APOBEC3G: variants seen among roughly 807,000 people sequenced by gnomAD.
APOBEC3G encodes DNA dC->dU-editing enzyme APOBEC-3G.
A neutral mutation model predicts 50.0 loss-of-function variants in APOBEC3G; 44 were observed. The observed-to-expected ratio is 0.88, with a 90% CI of 0.69 to 1.13. The LOEUF (loss-of-function observed/expected upper bound fraction) is 1.13. Among genes scored for constraint, APOBEC3G ranks in the 50% most tolerant of loss-of-function variants. The pLI is 0.00. For synonymous variants in APOBEC3G, 156 were observed against 175.3 expected (o/e 0.89, Z 0.87); for missense variants, 469 against 492.0 (o/e 0.95, Z 0.44).
At chr22:39,080,179 C>T (rs961314687) in intron 2 of APOBEC3G, 4 of 713,292 alleles carry the variant, frequency 5.6e-6, no homozygotes, top group Non-Finnish European at 7.1e-6. Flanking sequence ...AGTGGGCTCC[C>T]CACTGACTGC....
At chr22:39,084,931 C>T (rs1242374573) in intron 5 of APOBEC3G, among the ~76,000 whole-genome samples, 1 of 152,190 alleles carries the variant, frequency 6.6e-6, no homozygotes, top group African/African-American at 2.4e-5. Context: ...AAACGGGGTT[C>T]CTCTGGGCTC....
At position 39,086,290 on chromosome 22, in the gene APOBEC3G, A is replaced by T. The variant is rs765316846; in HGVS notation, c.747A>T (p.Lys249Asn). 1 of 1,582,412 alleles carries T rather than the reference A, an allele frequency of 6.3e-7. No individual in the cohort carries two copies. Among genetic ancestry groups the T allele is most frequent in the South Asian group, 1.1e-5 (1 of 87,468 alleles). The change falls in exon 6 of 8, where the codon AAA (lysine) becomes AAT (asparagine). Residue 249 changes from lysine (K) to asparagine (N), a missense_variant. Physicochemically the swap from Lys to Asn is moderately conservative, Grantham distance 94. Coordinates refer to ENST00000407997, the MANE Select transcript of APOBEC3G (RefSeq NM_021822.4). ...GCTTTCTTTTCTAGGCTCCACATAA[A>T]CACGGTTTCCTTGAAGGCCGCCATG... ...RGFLCNQAPH[K>N]HGFLEGRHAE...
chr22:39,084,404 G>A (rs1300813816), intron 5 of APOBEC3G, among the ~76,000 whole-genome samples: 1 of 152,184 alleles, frequency 6.6e-6, no homozygotes, highest in Admixed American at 6.5e-5. Context: ...GCAGGCGCCT[G>A]TAGTCCCAGC....
intron 5 of APOBEC3G, among the ~76,000 whole-genome samples, chr22:39,085,335 T>G (rs1928645633): frequency 6.6e-6 from 1 of 152,094 alleles, no homozygotes; most frequent in African/African-American, 2.4e-5. Flanking sequence ...ATGTGGAAGC[T>G]TCTAGAATTA....
At chr22:39,081,386 T>A in intron 3 of APOBEC3G, 85 bp from the exon 4 acceptor site, 1 of 1,532,088 alleles carries the variant, frequency 6.5e-7, no homozygotes, top group Non-Finnish European at 8.9e-7. Context: ...AACTAGTATC[T>A]AGAATATGTC....
In APOBEC3G at chr22:39,080,974, C is replaced by A. The variant is rs544919409; in HGVS notation, c.213C>A (p.Phe71Leu). 5 of 1,612,260 alleles carry A rather than the reference C, an allele frequency of 3.1e-6. No individual in the cohort carries two copies. The East Asian group carries it at 1.1e-4, about 36-fold the overall frequency. ...ELKYHPEMRF[F>L]HWFSKWRKLH... is the part of the protein sequence containing the mutation. ...AGTACCACCCAGAGATGAGATTCTT[C>A]CACTGGTTCAGCAAGTGGAGGAAGC... Residue 71 changes from phenylalanine (F) to leucine (L), a missense_variant, in exon 3 of 8, where the codon TTC becomes TTA. Physicochemically the swap from Phe to Leu is conservative, Grantham distance 22 (BLOSUM62 0). Coordinates refer to ENST00000407997, the MANE Select transcript of APOBEC3G (RefSeq NM_021822.4).
Position 39,080,977 on chromosome 22 carries a change from C to T in APOBEC3G, c.216C>T (p.His72=), listed in dbSNP as rs201215107. 1 of 1,614,092 alleles carries T rather than the reference C, an allele frequency of 6.2e-7. No homozygotes were observed. Among genetic ancestry groups the T allele is most frequent in the Non-Finnish European group, 8.5e-7 (1 of 1,180,010 alleles). The change falls in exon 3 of 8, where the codon CAC becomes CAT. Residue 72 remains histidine (H), a synonymous_variant. Transcript: ENST00000407997. The part of the protein sequence containing the change: ...LKYHPEMRFF[H]WFSKWRKLHR... Reference sequence around the variant, plus strand: ...ACCACCCAGAGATGAGATTCTTCCACTGGTTCAGCAAGTGGAGGAAGCTGC... The same window carrying T: ...ACCACCCAGAGATGAGATTCTTCCATTGGTTCAGCAAGTGGAGGAAGCTGC...
chr22:39,087,151 G>A, intron 7 of APOBEC3G, 25 bp downstream of exon 7: 1 of 1,613,854 alleles, frequency 6.2e-7, no homozygotes, highest in Admixed American at 1.7e-5. Flanking sequence ...CCTCTGCCCA[G>A]TGCCCCATCG....
chr22:39,077,460 T>G, intron 1 of APOBEC3G, 82 bp downstream of exon 1: 3 of 1,551,638 alleles, frequency 1.9e-6, no homozygotes, highest in Non-Finnish European at 2.6e-6. Flanking sequence ...GCCCTGGCCT[T>G]CCCCTGCCCC....
Position 39,077,347 on chromosome 22 carries a change from A to T in APOBEC3G, c.-15A>T. The T allele has an allele frequency of 4.4e-6, 7 of 1,575,208 alleles. No individual in the cohort carries two copies. The highest frequency in any genetic ancestry group is 6.0e-6 in the Non-Finnish European group (7 of 1,159,844). ...GCTCCAGACAAAGATCTTAGTCGGG[A>T]CTAGCCGGCCAAGGATGAAGCCTCA... On this transcript the variant is annotated 5_prime_UTR_variant, in exon 1 of 8. Transcript: ENST00000407997.
Position 39,086,453 on chromosome 22 carries a change from C to CA in APOBEC3G, c.911dup (p.His304GlnfsTer13). 1 of 1,614,186 alleles carries CA rather than the reference C, an allele frequency of 6.2e-7. No homozygotes were observed. Among genetic ancestry groups the CA allele is most frequent in the Non-Finnish European group, 8.5e-7 (1 of 1,180,036 alleles). On this transcript the variant is annotated frameshift_variant, in exon 6 of 8. Coordinates refer to ENST00000407997, the MANE Select transcript of APOBEC3G (RefSeq NM_021822.4). LOFTEE classifies it high-confidence loss of function. ...GGCTAAATTCATTTCAAAAAACAAA[C>CA]ACGTGAGCCTGTGCATCTTCACTGC...
In APOBEC3G at chr22:39,077,342, T is replaced by C; in HGVS notation, c.-20T>C. The C allele has an allele frequency of 1.3e-6, 2 of 1,573,118 alleles. No homozygotes were observed. The highest frequency in any genetic ancestry group is 1.7e-4 in the Middle Eastern group (1 of 6,012). The stretch of plus-strand genomic sequence containing the variant: ...CTGGTGCTCCAGACAAAGATCTTAG[T>C]CGGGACTAGCCGGCCAAGGATGAAG... On this transcript the variant is annotated 5_prime_UTR_variant, in exon 1 of 8. Transcript: ENST00000407997.
At chr22:39,078,197 T>C (rs984436500) in intron 1 of APOBEC3G, among the ~76,000 whole-genome samples, 5 of 151,986 alleles carry the variant, frequency 3.3e-5, no homozygotes, top group African/African-American at 1.2e-4. Flanking sequence ...AGGCGGAGTT[T>C]GCAGTGAGCT....
In APOBEC3G at chr22:39,081,563, A is replaced by C; in HGVS notation, c.559A>C (p.Ile187Leu). The change falls in exon 4 of 8, where the codon ATC (isoleucine) becomes CTC (leucine). Residue 187 changes from isoleucine (I) to leucine (L), a missense_variant. Transcript: ENST00000407997. ...GCCTAAATATTATATATTACTGCAC[A>C]TCATGCTGGGGGAGATTCTCAGGTG... ...NLPKYYILLH[I>L]MLGEILRHSM... 1.9e-6 allele frequency: 3 copies of C among 1,613,912 alleles called. No homozygotes were observed. The highest frequency in any genetic ancestry group is 2.5e-6 in the Non-Finnish European group (3 of 1,179,828).
intron 6 of APOBEC3G, 80 bp downstream of exon 6, chr22:39,086,647 G>T (rs776823029): frequency 1.3e-6 from 2 of 1,508,304 alleles, no homozygotes; most frequent in East Asian, 2.3e-5. Context: ...AGTGGGGAGG[G>T]TCGGCATCCC....
At position 39,086,470 on chromosome 22, in the gene APOBEC3G, C is replaced by T; in HGVS notation, c.927C>T (p.Ile309=). 2 of 1,614,212 alleles carry T rather than the reference C, an allele frequency of 1.2e-6. No homozygotes were observed. The highest frequency in any genetic ancestry group is 2.2e-5 in the East Asian group (1 of 44,878). The change falls in exon 6 of 8, where the codon ATC becomes ATT. Residue 309 remains isoleucine (I), a synonymous_variant. Coordinates refer to ENST00000407997, the MANE Select transcript of APOBEC3G (RefSeq NM_021822.4). ...AAAACAAACACGTGAGCCTGTGCATCTTCACTGCCCGCATCTATGATGATC... is the reference window on the plus strand; with the variant it reads ...AAAACAAACACGTGAGCCTGTGCATTTTCACTGCCCGCATCTATGATGATC... ...ISKNKHVSLC[I]FTARIYDDQG... is the part of the protein sequence containing the mutation.
At chr22:39,077,586 C>T (rs188445608) in intron 1 of APOBEC3G, among the ~76,000 whole-genome samples, 1 of 152,222 alleles carries the variant, frequency 6.6e-6, no homozygotes, top group East Asian at 1.9e-4. Flanking sequence ...CCGCCTCCCC[C>T]ATCTGTCCCA....
rs971207833 is a variant in APOBEC3G at position 39,078,072 on chromosome 22, C to G, written c.17+694C>G. Among the ~76,000 whole-genome samples, 8 of 152,244 alleles carry G rather than the reference C, an allele frequency of 5.3e-5. No individual in the cohort carries two copies. In the South Asian group the frequency reaches 1.7e-3, roughly 32 times the overall value. On this transcript the variant is annotated intron_variant, in intron 1 of 7. Coordinates refer to ENST00000407997, the MANE Select transcript of APOBEC3G (RefSeq NM_021822.4). ...GTCAGGAGTTCAAGACCAGCCTGACCAGCATGGATAAACCCTGTCTCTACT... is the reference window on the plus strand; with the variant it reads ...GTCAGGAGTTCAAGACCAGCCTGACGAGCATGGATAAACCCTGTCTCTACT...
In APOBEC3G at chr22:39,081,002, C is replaced by T. The variant is rs749736690; in HGVS notation, c.241C>T (p.His81Tyr). ...CTGGTTCAGCAAGTGGAGGAAGCTG[C>T]ATCGTGACCAGGAGTATGAGGTCAC... ...FHWFSKWRKL[H>Y]RDQEYEVTWY... Residue 81 changes from histidine (H) to tyrosine (Y), a missense_variant, in exon 3 of 8, where the codon CAT becomes TAT. Coordinates refer to ENST00000407997, the MANE Select transcript of APOBEC3G (RefSeq NM_021822.4). The T allele has an allele frequency of 6.2e-7, 1 of 1,614,106 alleles. No individual in the cohort carries two copies. The highest frequency in any genetic ancestry group is 1.1e-5 in the South Asian group (1 of 91,072).
Sources: allele counts gnomAD v4.1 joint callset (sites outside exome capture counted in the v4.1 genomes callset), GRCh38; gene constraint gnomAD v4.1.1; transcripts MANE v1.5; gene names NCBI Gene and HGNC (gene_info 2026-07-23, HGNC 2026-07-21).